The following ADCY8 variants were observed in gnomAD, a reference collection of about 807,000 sequenced individuals.
ADCY8 encodes the protein adenylate cyclase 8.
Under a neutral mutation model 119.7 loss-of-function variants are expected in ADCY8, and 51 were observed. The observed-to-expected ratio is 0.43, with a 90% confidence interval of 0.34 to 0.54. The LOEUF (loss-of-function observed/expected upper bound fraction) is 0.54, where lower values mean the gene tolerates loss of function less well. ADCY8 is among the 20% of genes least tolerant of loss of function. The pLI, the probability that ADCY8 is intolerant of heterozygous loss-of-function variation, is 0.03. For missense variants in ADCY8, 1,383 were observed against 1,598.8 expected, an observed-to-expected ratio of 0.87 and a Z score of 2.30; for synonymous variants, 665 against 651.0, an observed-to-expected ratio of 1.02 and a Z score of -0.33.
At chr8:130,866,139 G>C (rs889133135) in intron 9 of ADCY8, among the ~76,000 whole-genome samples, 16 of 151,974 alleles carry the variant, frequency 1.1e-4, no homozygotes, top group African/African-American at 3.4e-4. Context: ...TATCACCCTT[G>C]TTTATTATAA....
chr8:130,993,066 G>A (rs1222835609), intron 1 of ADCY8, among the ~76,000 whole-genome samples: 1 of 152,002 alleles, frequency 6.6e-6, no homozygotes, highest in African/African-American at 2.4e-5. Context: ...TAGATAAAAA[G>A]AAATATTATA....
intron 7 of ADCY8, among the ~76,000 whole-genome samples, chr8:130,890,617 C>T (rs1366157464): frequency 2.0e-5 from 3 of 152,174 alleles, no homozygotes; most frequent in Non-Finnish European, 4.4e-5. Context: ...CCTTTAAAGG[C>T]AGCCTAGTGA....
At chr8:130,958,582 G>A (rs1288270852) in intron 2 of ADCY8, among the ~76,000 whole-genome samples, 1 of 152,190 alleles carries the variant, frequency 6.6e-6, no homozygotes, top group Non-Finnish European at 1.5e-5. Context: ...AGAGCAAAAG[G>A]ACATCTTCCA....
intron 11 of ADCY8, among the ~76,000 whole-genome samples, chr8:130,842,874 A>AG: frequency 6.6e-6 from 1 of 150,650 alleles, no homozygotes; most frequent in East Asian, 1.9e-4. Context: ...TCTGTCTCAA[A>AG]AAAAAAAAAA....
chr8:130,912,884 A>G (rs1218464867), intron 5 of ADCY8, among the ~76,000 whole-genome samples: 1 of 152,160 alleles, frequency 6.6e-6, no homozygotes, highest in Non-Finnish European at 1.5e-5. Context: ...AAGGCAAGAG[A>G]AGAAATGGAA....
rs962179838 is a variant in ADCY8, at chr8:130,937,168, C to T, written c.1386G>A (p.Gly462=). 3.1e-6 allele frequency: 5 copies of T among 1,613,692 alleles called. No individual in the cohort carries two copies. The highest frequency in any genetic ancestry group is 1.3e-5 in the African/African-American group (1 of 74,974). The part of the protein sequence containing the change: ...EHHCLRIKIL[G]DCYYCVSGLP... The stretch of plus-strand genomic sequence containing the variant: ...GTCCAGACACGCAGTAGTAGCAGTC[C>T]CCCAGGATTTTAATACGAAGGCAGT... Residue 462 remains glycine, a synonymous_variant, in exon 5 of 18, where the codon GGG becomes GGA. Coordinates refer to ENST00000286355, the MANE Select transcript of ADCY8 (RefSeq NM_001115.3).
chr8:130,807,121 A>G (rs894612267), intron 14 of ADCY8, among the ~76,000 whole-genome samples: 3 of 152,214 alleles, frequency 2.0e-5, no homozygotes, highest in African/African-American at 7.2e-5. Context: ...GATTTTGAAC[A>G]TGTGCATGCG....
At chr8:130,913,669 A>AATAAAGTGTGAATGAAAAATAAAC (rs918421977) in intron 5 of ADCY8, among the ~76,000 whole-genome samples, 1 of 152,180 alleles carries the variant, frequency 6.6e-6, no homozygotes, top group Non-Finnish European at 1.5e-5. Context: ...CCCCTCCTGT[A>AATAAAGTGTGAATGAAAAATAAAC]ATAAAGTGTG....
chr8:130,783,171 G>A (rs1447917231), intron 17 of ADCY8, among the ~76,000 whole-genome samples: 1 of 152,204 alleles, frequency 6.6e-6, no homozygotes, highest in Non-Finnish European at 1.5e-5. Context: ...TTACGTTGTT[G>A]CTTTGTGCGG....
At chr8:130,820,550 C>A (rs1273383667) in intron 13 of ADCY8, among the ~76,000 whole-genome samples, 1 of 152,190 alleles carries the variant, frequency 6.6e-6, no homozygotes, top group East Asian at 1.9e-4. Flanking sequence ...TCTTTGAGAA[C>A]CCTGCCTAGA....
intron 1 of ADCY8, among the ~76,000 whole-genome samples, chr8:131,022,988 G>A (rs78211612): frequency 0.014 from 2,093 of 152,268 alleles, 32 homozygotes; most frequent in African/African-American, 0.029. Context: ...ACCCATGCAT[G>A]TTTGGAGCCA....
chr8:130,858,246 T>G (rs1185933733), intron 9 of ADCY8, among the ~76,000 whole-genome samples: 1 of 152,224 alleles, frequency 6.6e-6, no homozygotes, highest in African/African-American at 2.4e-5. Context: ...GGATGCTGAG[T>G]TGGTCATTCT....
chr8:130,826,956 C>T (rs1345252522), intron 12 of ADCY8, among the ~76,000 whole-genome samples: 1 of 151,974 alleles, frequency 6.6e-6, no homozygotes, highest in Admixed American at 6.6e-5. Context: ...AGGAGAAATA[C>T]CTAATGTAAA....
intron 7 of ADCY8, among the ~76,000 whole-genome samples, chr8:130,893,938 G>A (rs1819296552): frequency 6.6e-6 from 1 of 151,998 alleles, no homozygotes; most frequent in South Asian, 2.1e-4. Context: ...GAAATTTTGA[G>A]AAAATTGAAA....
At chr8:130,811,608 C>T (rs999258508) in intron 14 of ADCY8, among the ~76,000 whole-genome samples, 1 of 152,164 alleles carries the variant, frequency 6.6e-6, no homozygotes, top group African/African-American at 2.4e-5. Context: ...GCCTTTGTAG[C>T]ATCCTCAGCA....
intron 2 of ADCY8, among the ~76,000 whole-genome samples, chr8:130,963,753 C>G (rs1247803911): frequency 1.3e-5 from 2 of 152,072 alleles, no homozygotes; most frequent in African/African-American, 4.8e-5. Flanking sequence ...ATTGGCTGTT[C>G]TATCAGCAGC....
intron 1 of ADCY8, among the ~76,000 whole-genome samples, chr8:130,994,364 C>T (rs777912152): frequency 6.6e-6 from 1 of 152,208 alleles, no homozygotes; most frequent in East Asian, 1.9e-4. Context: ...AGTGATTTCA[C>T]CATTCTTCCA....
At chr8:130,894,574 T>G (rs1472109821) in intron 7 of ADCY8, among the ~76,000 whole-genome samples, 2 of 152,186 alleles carry the variant, frequency 1.3e-5, no homozygotes, top group African/African-American at 4.8e-5. Flanking sequence ...GTGCATAACC[T>G]GAAATTCACA....
chr8:130,856,398 G>T (rs1409145576), intron 9 of ADCY8, among the ~76,000 whole-genome samples: 1 of 152,024 alleles, frequency 6.6e-6, no homozygotes, highest in East Asian at 1.9e-4. Flanking sequence ...AACACCTTGA[G>T]CTCTAGGAGT....
Sources: gnomAD v4.1 joint callset for allele counts (sites outside exome capture counted in the v4.1 genomes callset) on GRCh38, gnomAD v4.1.1 for gene constraint, MANE v1.5 for transcripts, NCBI Gene and HGNC (gene_info 2026-07-23, HGNC 2026-07-21) for gene names.